The following C10orf90 variants were observed in gnomAD, a reference collection of about 807,000 sequenced individuals.
C10orf90 encodes chromosome 10 open reading frame 90.
Under a neutral mutation model 62.5 loss-of-function variants are expected in C10orf90, and 56 were observed. That is an observed-to-expected ratio of 0.90 (90% CI 0.72 to 1.12). C10orf90 has a LOEUF of 1.12. C10orf90 is among the 50% of genes most tolerant of loss of function. The pLI, the probability that C10orf90 is intolerant of heterozygous loss-of-function variation, is 0.00. For missense variants in C10orf90, 970 were observed against 880.4 expected (o/e 1.10, Z -1.29); for synonymous variants, 386 against 340.4 (o/e 1.13, Z -1.47).
chr10:126,430,741 G>A (rs1478611669), intron 7 of C10orf90, among the ~76,000 whole-genome samples: 3 of 152,228 alleles, frequency 2.0e-5, no homozygotes, highest in Non-Finnish European at 4.4e-5. Flanking sequence ...TCCTTGCCAA[G>A]CATCAGAGTT....
chr10:126,436,789 G>A (rs1208752495), intron 7 of C10orf90, among the ~76,000 whole-genome samples: 2 of 149,630 alleles, frequency 1.3e-5, no homozygotes, highest in African/African-American at 4.8e-5. Flanking sequence ...GGCCTCCCCT[G>A]AATAGCAGGG....
intron 2 of C10orf90, chr10:126,521,228 C>T (rs2099553): frequency 0.86 from 1,317,662 of 1,535,716 alleles, 566,207 homozygotes; most frequent in African/African-American, 0.97. Flanking sequence ...AGATACTCAG[C>T]GTGGACAGAA....
At chr10:126,657,207 A>C (rs1427648074) in intron 1 of C10orf90, among the ~76,000 whole-genome samples, 1 of 152,214 alleles carries the variant, frequency 6.6e-6, no homozygotes, top group Non-Finnish European at 1.5e-5. Flanking sequence ...TTTCAAGTTC[A>C]CAATTGAGCA....
chr10:126,595,099 A>G (rs763387084), intron 2 of C10orf90, among the ~76,000 whole-genome samples: 30 of 152,222 alleles, frequency 2.0e-4, no homozygotes, highest in Non-Finnish European at 4.1e-4. Flanking sequence ...CAGAGCCAGT[A>G]CTAAGGATTT....
rs111792366 is a variant in C10orf90 at position 126,467,063 on chromosome 10, T to C, written c.1535-2077A>G. ...CAGGTGATATGGATCCATCCTGGAG[T>C]ATGATTTTTTAAATTAATGTATTTA... is the stretch of plus-strand genomic sequence containing the variant. On this transcript the variant is annotated intron_variant, in intron 4 of 9. Transcript: ENST00000488181. 1.4e-3 allele frequency among the ~76,000 whole-genome samples: 206 copies of C among 152,270 alleles called. 1 individual carries two copies. Among genetic ancestry groups the C allele is most frequent in the African/African-American group, 4.5e-3 (188 of 41,558 alleles).
chr10:126,589,201 G>C (rs768050692), intron 2 of C10orf90, among the ~76,000 whole-genome samples: 38 of 152,170 alleles, frequency 2.5e-4, no homozygotes, highest in Non-Finnish European at 4.6e-4. Context: ...AGAAATATGG[G>C]ATTATGTAAA....
intron 2 of C10orf90, among the ~76,000 whole-genome samples, chr10:126,559,592 T>C (rs1864856685): frequency 6.6e-6 from 1 of 152,112 alleles, no homozygotes; most frequent in African/African-American, 2.4e-5. Flanking sequence ...CTCCCTCCTC[T>C]CCTTTCACCT....
At chr10:126,636,776 CA>C (rs1845959834) in intron 2 of C10orf90, among the ~76,000 whole-genome samples, 1 of 152,054 alleles carries the variant, frequency 6.6e-6, no homozygotes, top group African/African-American at 2.4e-5. Flanking sequence ...GCCAACTGAG[CA>C]AAAGCCACTA....
intron 2 of C10orf90, among the ~76,000 whole-genome samples, chr10:126,637,131 C>T (rs534457667): frequency 2.0e-5 from 3 of 152,148 alleles, no homozygotes; most frequent in South Asian, 4.2e-4. Flanking sequence ...CAGAGGTTAG[C>T]GTTCTTGTTC....
At chr10:126,599,809 T>C (rs552691395) in intron 2 of C10orf90, among the ~76,000 whole-genome samples, 4 of 152,260 alleles carry the variant, frequency 2.6e-5, no homozygotes, top group East Asian at 3.9e-4. Flanking sequence ...AGAGAGAATA[T>C]AGTTTGGTAG....
At chr10:126,515,283 C>T (rs1863374929) in intron 2 of C10orf90, among the ~76,000 whole-genome samples, 2 of 152,172 alleles carry the variant, frequency 1.3e-5, no homozygotes, top group African/African-American at 2.4e-5. Context: ...TCATAGTCTG[C>T]AGTAGCAGAC....
At chr10:126,431,779 G>GATTTTCT (rs1857586160) in intron 7 of C10orf90, among the ~76,000 whole-genome samples, 1 of 152,148 alleles carries the variant, frequency 6.6e-6, no homozygotes, top group Admixed American at 6.5e-5. Flanking sequence ...TGGGAAGTTA[G>GATTTTCT]ATTTTCTTTT....
At chr10:126,651,945 C>T (rs1035207950) in intron 1 of C10orf90, among the ~76,000 whole-genome samples, 5 of 152,158 alleles carry the variant, frequency 3.3e-5, no homozygotes, top group African/African-American at 7.2e-5. Context: ...ACAGCACATG[C>T]GATGGATGGT....
intron 7 of C10orf90, among the ~76,000 whole-genome samples, chr10:126,443,684 T>A (rs1469975675): frequency 6.6e-6 from 1 of 151,998 alleles, no homozygotes; most frequent in Non-Finnish European, 1.5e-5. Flanking sequence ...GAAGCCAGCA[T>A]CACCTTAATA....
intron 2 of C10orf90, among the ~76,000 whole-genome samples, chr10:126,640,640 G>C (rs532263385): frequency 6.6e-6 from 1 of 152,330 alleles, no homozygotes; most frequent in East Asian, 1.9e-4. Flanking sequence ...GTGGGGTGGG[G>C]CAGGTTGAAT....
At chr10:126,597,934 G>A (rs1433685905) in intron 2 of C10orf90, among the ~76,000 whole-genome samples, 1 of 152,080 alleles carries the variant, frequency 6.6e-6, no homozygotes, top group East Asian at 1.9e-4. Flanking sequence ...CCATTTCCAG[G>A]TTGACTTGGA....
chr10:126,565,698 A>T (rs1844370576), intron 2 of C10orf90, among the ~76,000 whole-genome samples: 1 of 152,002 alleles, frequency 6.6e-6, no homozygotes, highest in Admixed American at 6.6e-5. Flanking sequence ...GGATGAAAAG[A>T]GGCCATCCCC....
At chr10:126,642,168 A>G (rs1796038268) in intron 2 of C10orf90, among the ~76,000 whole-genome samples, 1 of 152,190 alleles carries the variant, frequency 6.6e-6, no homozygotes, top group South Asian at 2.1e-4. Context: ...AGAAATGAGG[A>G]AGTGGAAGGA....
chr10:126,486,394 G>A (rs541015098), intron 4 of C10orf90, among the ~76,000 whole-genome samples: 1 of 152,088 alleles, frequency 6.6e-6, no homozygotes, highest in Non-Finnish European at 1.5e-5. Flanking sequence ...ATGAGCTCAG[G>A]ATCATAGTAA....
Sources: allele counts gnomAD v4.1 joint callset (sites outside exome capture counted in the v4.1 genomes callset), GRCh38; gene constraint gnomAD v4.1.1; transcripts MANE v1.5; gene names NCBI Gene and HGNC (gene_info 2026-07-23, HGNC 2026-07-21).